Variants in CDHR3 observed in about 807,000 individuals in gnomAD.
CDHR3 encodes the protein cadherin-related family member 3.
CDHR3 carries 79 observed loss-of-function variants against 86.6 expected under a neutral mutation model. That is an observed-to-expected ratio of 0.91 (90% confidence interval 0.76 to 1.10). The LOEUF (loss-of-function observed/expected upper bound fraction) is 1.10, where lower values mean the gene tolerates loss of function less well. CDHR3 is among the 50% of genes least tolerant of loss of function. The pLI, the probability that CDHR3 is intolerant of heterozygous loss-of-function variation, is 0.00. For missense variants in CDHR3, 1,081 were observed against 1,077.6 expected, an observed-to-expected ratio of 1.00 and a Z score of -0.04; for synonymous variants, 421 against 402.4, an observed-to-expected ratio of 1.05 and a Z score of -0.55.
At chr7:106,014,498 C>T (rs2115848409) in intron 9 of CDHR3, among the ~76,000 whole-genome samples, 1 of 152,116 alleles carries the variant, frequency 6.6e-6, no homozygotes, top group South Asian at 2.1e-4. Context: ...TGGTGCACAC[C>T]CATAGTCCCA....
At chr7:105,997,495 C>G (rs1376109806) in intron 6 of CDHR3, among the ~76,000 whole-genome samples, 1 of 152,214 alleles carries the variant, frequency 6.6e-6, no homozygotes, top group Non-Finnish European at 1.5e-5. Flanking sequence ...TTTGGGCTGA[C>G]AGGTGGCTCC....
intron 4 of CDHR3, among the ~76,000 whole-genome samples, chr7:105,991,863 C>T (rs978282253): frequency 1.3e-5 from 2 of 152,194 alleles, no homozygotes; most frequent in African/African-American, 2.4e-5. Context: ...TTGCCATGTA[C>T]CAGGCATTGT....
intron 4 of CDHR3, among the ~76,000 whole-genome samples, chr7:105,994,468 C>A (rs576592985): frequency 3.3e-5 from 5 of 152,310 alleles, no homozygotes; most frequent in African/African-American, 7.2e-5. Context: ...GACTCAGAAG[C>A]AGAGCCTGCC....
At chr7:105,972,011 CCGACTGT>C (rs1368568482) in intron 1 of CDHR3, among the ~76,000 whole-genome samples, 1 of 152,130 alleles carries the variant, frequency 6.6e-6, no homozygotes, top group Non-Finnish European at 1.5e-5. Flanking sequence ...CATGGAGTGA[CCGACTGT>C]CTGTAGTAGG....
rs1272011473 is a variant in CDHR3, at chr7:105,974,910, G to A, written c.113G>A (p.Gly38Glu). Residue 38 changes from glycine to glutamate, a missense_variant, in exon 2 of 19, where the codon GGG (glycine) becomes GAG (glutamate). Transcript: ENST00000317716. ...AATGTGGCAGAGAATTCTCCACCTG[G>A]GACTTCAGTGCACAAGTTTTCTGTG... ...TGNVAENSPP[G>E]TSVHKFSVKL... 2 of 1,613,780 alleles carry A rather than the reference G, an allele frequency of 1.2e-6. No individual in the cohort carries two copies. The highest frequency in any genetic ancestry group is 2.2e-5 in the South Asian group (2 of 91,072).
In CDHR3 at chr7:106,026,681, G is replaced by A. The variant is rs771482630; in HGVS notation, c.2259-1G>A. ...AATAGCCATTCTTTTTCCCCCCATAGGACAAAGAAAGGAGGTATGTACAGT... is the reference window on the plus strand; with the variant it reads ...AATAGCCATTCTTTTTCCCCCCATAAGACAAAGAAAGGAGGTATGTACAGT... On this transcript the variant is annotated splice_acceptor_variant, in intron 15 of 18. Transcript: ENST00000317716. LOFTEE classifies it high-confidence loss of function. 8 of 1,613,652 alleles carry A rather than the reference G, an allele frequency of 5.0e-6. No individual in the cohort carries two copies. Among genetic ancestry groups the A allele is most frequent in the South Asian group, 3.3e-5 (3 of 91,076 alleles).
At position 106,035,695 on chromosome 7, in the gene CDHR3, A is replaced by G. The variant is rs1001628790; in HGVS notation, c.*2998A>G. On this transcript the variant is annotated 3_prime_UTR_variant, in exon 19 of 19. Transcript: ENST00000317716. ...TCATGGAAATGAAGTAGTGGACCAC[A>G]ATTGGTCTGATTGGTTGCAGGAAGC... The G allele has an allele frequency of 1.3e-5, 2 of 152,040 alleles. No homozygotes were observed. Among genetic ancestry groups the G allele is most frequent in the East Asian group, 3.9e-4 (2 of 5,156 alleles). The allele number at this position is 152,040 out of a possible 1,614,324, so 9.4% of individuals were successfully genotyped here.
chr7:105,997,828 TG>T (rs2115767659), intron 6 of CDHR3, among the ~76,000 whole-genome samples: 1 of 152,268 alleles, frequency 6.6e-6, no homozygotes, highest in South Asian at 2.1e-4. Flanking sequence ...TGACCCTCGC[TG>T]GCGTGGGATG....
intron 16 of CDHR3, among the ~76,000 whole-genome samples, chr7:106,028,117 TAAAA>T (rs1279584334): frequency 0.043 from 483 of 11,248 alleles, 4 homozygotes; most frequent in African/African-American, 0.17. Flanking sequence ...GACCCTGTCT[TAAAA>T]TAAAATAAAA....
intron 13 of CDHR3, among the ~76,000 whole-genome samples, chr7:106,021,368 G>C (rs188587628): frequency 1.6e-4 from 24 of 152,276 alleles, no homozygotes; most frequent in South Asian, 8.3e-4. Flanking sequence ...ACAAAACCCA[G>C]GGGCAGAAAC....
intron 14 of CDHR3, among the ~76,000 whole-genome samples, chr7:106,022,697 T>A (rs1836763143): frequency 2.6e-5 from 4 of 152,180 alleles, no homozygotes; most frequent in African/African-American, 9.7e-5. Flanking sequence ...GTGTGTTGTT[T>A]GTGCAGAGAC....
chr7:105,984,849 A>G (rs1300474811), intron 4 of CDHR3, among the ~76,000 whole-genome samples: 1 of 152,144 alleles, frequency 6.6e-6, no homozygotes, highest in Admixed American at 6.5e-5. Context: ...GCTTGAACCC[A>G]GGAGTTTGAG....
intron 3 of CDHR3, among the ~76,000 whole-genome samples, chr7:105,983,661 A>G (rs1467574019): frequency 6.6e-6 from 1 of 152,140 alleles, no homozygotes; most frequent in Non-Finnish European, 1.5e-5. Flanking sequence ...AAACAGATGA[A>G]ATCAGTTTTT....
chr7:105,995,010 G>T (rs556594469), intron 5 of CDHR3, among the ~76,000 whole-genome samples, 165 bp downstream of exon 5: 37 of 152,354 alleles, frequency 2.4e-4, no homozygotes, highest in African/African-American at 8.9e-4. Flanking sequence ...GAGGGATGGG[G>T]AATAAGGCAA....
chr7:105,972,898 T>G (rs1455956565), intron 1 of CDHR3, among the ~76,000 whole-genome samples: 2 of 152,208 alleles, frequency 1.3e-5, no homozygotes, highest in African/African-American at 4.8e-5. Context: ...TAAGATGACT[T>G]TAGATTTTAA....
chr7:106,005,277 T>G (rs1042741960), intron 8 of CDHR3, among the ~76,000 whole-genome samples: 26 of 152,272 alleles, frequency 1.7e-4, no homozygotes, highest in African/African-American at 6.0e-4. Flanking sequence ...TTGTATATTT[T>G]GACTCATTCT....
chr7:106,021,705 C>T (rs1371420870), intron 13 of CDHR3, among the ~76,000 whole-genome samples: 1 of 152,222 alleles, frequency 6.6e-6, no homozygotes, highest in African/African-American at 2.4e-5. Flanking sequence ...TGGAGGACTC[C>T]AGGGACAGCC....
chr7:105,990,626 G>A (rs1009368350), intron 4 of CDHR3, among the ~76,000 whole-genome samples: 14 of 152,256 alleles, frequency 9.2e-5, no homozygotes, highest in South Asian at 8.3e-4. Context: ...GATGTGGGCC[G>A]AATAAGGGTC....
At chr7:106,020,235 G>T in intron 12 of CDHR3, 138 bp from the exon 13 acceptor site, 1 of 706,638 alleles carries the variant, frequency 1.4e-6, no homozygotes, top group Non-Finnish European at 2.3e-6. Flanking sequence ...CCATAAAATG[G>T]GAATAATCAT....
Sources: allele counts gnomAD v4.1 joint callset (sites outside exome capture counted in the v4.1 genomes callset), GRCh38; gene constraint gnomAD v4.1.1; transcripts MANE v1.5; gene names NCBI Gene and HGNC (gene_info 2026-07-23, HGNC 2026-07-21).